The following FREM3 variants were observed in gnomAD, a reference collection of about 807,000 sequenced individuals.
The protein encoded by FREM3 is FRAS1 related extracellular matrix 3.
FREM3 carries 105 observed loss-of-function variants against 129.1 expected under a neutral mutation model. That is an observed-to-expected ratio of 0.81 (90% CI 0.69 to 0.96). FREM3 has a LOEUF of 0.96. FREM3 is among the 40% of genes least tolerant of loss of function. The probability of loss-of-function intolerance (pLI) is 0.00; values close to 1 mark genes in which losing one functional copy is unlikely to be tolerated. For missense variants in FREM3, 2,593 were observed against 2,666.3 expected (o/e 0.97, Z 0.61); for synonymous variants, 1,014 against 1,044.9 (o/e 0.97, Z 0.57).
At chr4:143,611,217 GT>G in intron 6 of FREM3, 61 bp downstream of exon 6, 1 of 1,481,910 alleles carries the variant, frequency 6.7e-7, no homozygotes, top group South Asian at 1.3e-5. Flanking sequence ...CCTTTCAACT[GT>G]TGGAGGAAAG....
At chr4:143,591,025 T>A (rs943049326) in intron 6 of FREM3, among the ~76,000 whole-genome samples, 3 of 152,248 alleles carry the variant, frequency 2.0e-5, no homozygotes, top group Admixed American at 6.5e-5. Flanking sequence ...TTTATTTGCA[T>A]AGAGGTGTTT....
At chr4:143,639,121 C>A (rs1472888475) in intron 2 of FREM3, among the ~76,000 whole-genome samples, 2 of 152,026 alleles carry the variant, frequency 1.3e-5, no homozygotes, top group Non-Finnish European at 2.9e-5. Flanking sequence ...TTTTCCTAAA[C>A]CTAAGTTTGC....
In FREM3 at chr4:143,616,934, A is replaced by G. The variant is rs114926127; in HGVS notation, c.5779+4103T>C. ...ACTACGCAGTTCTTTTTAACTGGAT[A>G]GAGTAGATCATTAAAAACCGCAACG... On this transcript the variant is annotated intron_variant, in intron 5 of 7. Coordinates refer to ENST00000329798, the MANE Select transcript of FREM3 (RefSeq NM_001168235.2). 4.5e-3 allele frequency among the ~76,000 whole-genome samples: 693 copies of G among 152,318 alleles called. 2 individuals are homozygous for G. Among genetic ancestry groups the G allele is most frequent in the African/African-American group, 0.016 (658 of 41,572 alleles).
intron 6 of FREM3, among the ~76,000 whole-genome samples, chr4:143,592,086 T>A (rs1738374320): frequency 6.6e-6 from 1 of 152,204 alleles, no homozygotes; most frequent in Admixed American, 6.5e-5. Flanking sequence ...TGTTTTCCAT[T>A]TGCTTGGTAG....
At chr4:143,597,664 T>C (rs1738506953) in intron 6 of FREM3, among the ~76,000 whole-genome samples, 1 of 152,220 alleles carries the variant, frequency 6.6e-6, no homozygotes, top group Non-Finnish European at 1.5e-5. Flanking sequence ...CAACCCCATT[T>C]ACATTCAAAT....
intron 2 of FREM3, among the ~76,000 whole-genome samples, chr4:143,647,788 A>G (rs373328891): frequency 2.0e-5 from 3 of 152,150 alleles, no homozygotes; most frequent in Non-Finnish European, 4.4e-5. Context: ...GTGAAGCCCT[A>G]TGGAGAACCC....
intron 7 of FREM3, among the ~76,000 whole-genome samples, chr4:143,584,556 G>T (rs573008730): frequency 6.6e-5 from 10 of 152,164 alleles, no homozygotes; most frequent in Non-Finnish European, 1.2e-4. Context: ...ATCGTAAAGG[G>T]TTTAATTCAA....
chr4:143,645,644 A>G (rs1000358115), intron 2 of FREM3, among the ~76,000 whole-genome samples: 1 of 152,200 alleles, frequency 6.6e-6, no homozygotes, highest in African/African-American at 2.4e-5. Flanking sequence ...AGACTGTAAC[A>G]TCAACTCTTA....
At position 143,698,657 on chromosome 4, in the gene FREM3, A is replaced by G. The variant is rs1462107945; in HGVS notation, c.2019T>C (p.Ala673=). The change falls in exon 1 of 8, where the codon GCT becomes GCC. Residue 673 remains alanine (A), a synonymous_variant. Transcript: ENST00000329798. ...HSPQSVMVQL[A]FHVQDDHDPP... ...GGTCATGGTCATCCTGCACATGGAA[A>G]GCCAGCTGGACCATTACAGATTGAG... The G allele has an allele frequency of 3.3e-6, 5 of 1,537,794 alleles. No homozygotes were observed. In the South Asian group the frequency reaches 5.9e-5, roughly 18 times the overall value.
chr4:143,674,376 G>A (rs1211762779), intron 2 of FREM3, among the ~76,000 whole-genome samples: 2 of 152,056 alleles, frequency 1.3e-5, no homozygotes, highest in African/African-American at 4.8e-5. Flanking sequence ...TGCCCTACAA[G>A]AGCTCCTGAA....
chr4:143,595,110 G>A (rs945746727), intron 6 of FREM3, among the ~76,000 whole-genome samples: 3 of 152,162 alleles, frequency 2.0e-5, no homozygotes, highest in Non-Finnish European at 4.4e-5. Flanking sequence ...GTTCATATTC[G>A]GAGACGCTTA....
Position 143,699,228 on chromosome 4 carries a change from A to G in FREM3, c.1448T>C (p.Val483Ala). ...VRGLRHGQLVVFGAPAGCKYF... is the reference protein window; with the variant it reads ...VRGLRHGQLVAFGAPAGCKYF... ...CTTGCACCCAGCAGGTGCCCCAAAC[A>G]CCACCAGCTGCCCATGTCTCAAGCC... Residue 483 changes from valine (V) to alanine (A), a missense_variant, in exon 1 of 8, where the codon GTG becomes GCG. Physicochemically the swap from Val to Ala is moderately conservative, Grantham distance 64 (BLOSUM62 0). Coordinates refer to ENST00000329798, the MANE Select transcript of FREM3 (RefSeq NM_001168235.2). The surrounding 1 kb of genome is among the most constrained non-coding windows in gnomAD (Gnocchi z 4.2). 2 of 1,537,070 alleles carry G rather than the reference A, an allele frequency of 1.3e-6. No homozygotes were observed. The highest frequency in any genetic ancestry group is 1.7e-6 in the Non-Finnish European group (2 of 1,146,870).
Position 143,644,891 on chromosome 4 carries a change from A to T in FREM3, c.5276-17131T>A, listed in dbSNP as rs115496650. The stretch of plus-strand genomic sequence containing the variant: ...CCCAGGGAAAGCCCAGGAAGAAGTT[A>T]TAGATTGAGGATTAAAATGCACCAT... On this transcript the variant is annotated intron_variant, in intron 2 of 7. Transcript: ENST00000329798. Among the ~76,000 whole-genome samples, 650 of 152,330 alleles carry T rather than the reference A, an allele frequency of 4.3e-3. 1 individual carries two copies. The highest frequency in any genetic ancestry group is 0.015 in the African/African-American group (623 of 41,578).
intron 4 of FREM3, among the ~76,000 whole-genome samples, chr4:143,623,740 G>T (rs1738995901): frequency 6.6e-6 from 1 of 152,046 alleles, no homozygotes; most frequent in Non-Finnish European, 1.5e-5. Context: ...TAGGACAATG[G>T]ATATCTAAGT....
chr4:143,689,068 C>T (rs375487207), intron 2 of FREM3, among the ~76,000 whole-genome samples: 7 of 152,070 alleles, frequency 4.6e-5, no homozygotes, highest in South Asian at 2.1e-4. Context: ...GCAAAAGGAA[C>T]GGTCAGCAGA....
chr4:143,673,457 C>T (rs995191986), intron 2 of FREM3, among the ~76,000 whole-genome samples: 13 of 152,164 alleles, frequency 8.5e-5, no homozygotes, highest in South Asian at 2.1e-4. Context: ...CTGGAAGTTT[C>T]GTCTCAGAGG....
chr4:143,584,759 T>C (rs1738209146), intron 7 of FREM3, among the ~76,000 whole-genome samples: 4 of 152,136 alleles, frequency 2.6e-5, no homozygotes, highest in Admixed American at 2.6e-4. Context: ...GGACCCAAAT[T>C]TGACACTTAA....
chr4:143,691,776 A>G (rs62339322), intron 2 of FREM3, among the ~76,000 whole-genome samples: 2,569 of 152,298 alleles, frequency 0.017, 34 homozygotes, highest in Non-Finnish European at 0.025. Flanking sequence ...TCACAGACTG[A>G]TTTTTGTTTG....
intron 2 of FREM3, among the ~76,000 whole-genome samples, chr4:143,646,550 T>C (rs529375463): frequency 3.1e-4 from 47 of 152,314 alleles, no homozygotes; most frequent in African/African-American, 1.1e-3. Flanking sequence ...CAAGATCTGA[T>C]GGTTTTTACA....
Sources: gnomAD v4.1 joint callset for allele counts (sites outside exome capture counted in the v4.1 genomes callset) on GRCh38, gnomAD v4.1.1 for gene constraint, Gnocchi (gnomAD v3.1) non-coding constraint, MANE v1.5 for transcripts, NCBI Gene and HGNC (gene_info 2026-07-23, HGNC 2026-07-21) for gene names.